The following HPCAL1 variants were observed in gnomAD, a reference collection of about 807,000 sequenced individuals.
HPCAL1 encodes hippocalcin-like protein 1.
A neutral mutation model predicts 17.1 loss-of-function variants in HPCAL1; 8 were observed. That is an observed-to-expected ratio of 0.47 (90% CI 0.27 to 0.84). HPCAL1 has a LOEUF of 0.84. HPCAL1 is among the 40% of genes least tolerant of loss of function. The pLI is 0.13. For missense variants in HPCAL1, 165 were observed against 271.1 expected, an observed-to-expected ratio of 0.61 and a Z score of 2.75; for synonymous variants, 112 against 111.4, an observed-to-expected ratio of 1.01 and a Z score of -0.03.
intron 3 of HPCAL1, among the ~76,000 whole-genome samples, chr2:10,421,457 T>TG (rs1486132095): frequency 1.3e-5 from 2 of 152,196 alleles, no homozygotes; most frequent in Admixed American, 1.3e-4. Context: ...TCCCAACACT[T>TG]TGGGTGGCCG....
chr2:10,330,491 A>G lies in HPCAL1; in HGVS notation c.-111+27314A>G, dbSNP rs1219938911. On this transcript the variant is annotated intron_variant, in intron 1 of 4. Transcript: ENST00000307845. This position sits in a 1 kb window ranked among gnomAD's most constrained non-coding sequence, Gnocchi z 4.2. ...ACAACAGGAATTCTTTTTTTTTTAC[A>G]GTATTGGAGGCTGATGTCTGAGACA... is the stretch of plus-strand genomic sequence containing the variant. 6.6e-6 allele frequency among the ~76,000 whole-genome samples: 1 copy of G among 150,630 alleles called. No homozygotes were observed. Among genetic ancestry groups the G allele is most frequent in the Non-Finnish European group, 1.5e-5 (1 of 67,720 alleles).
At chr2:10,319,813 G>A (rs183213013) in intron 1 of HPCAL1, among the ~76,000 whole-genome samples, 2 of 151,986 alleles carry the variant, frequency 1.3e-5, no homozygotes, top group East Asian at 1.9e-4. Context: ...AGTGATCCAA[G>A]CAGAAGGTCT....
chr2:10,396,220 G>A (rs1033333788), intron 1 of HPCAL1, among the ~76,000 whole-genome samples: 1 of 152,244 alleles, frequency 6.6e-6, no homozygotes, highest in Non-Finnish European at 1.5e-5. Context: ...CACCTAGTGT[G>A]TGCCCTGTGC....
chr2:10,342,844 G>A lies in HPCAL1; in HGVS notation c.-111+39667G>A, dbSNP rs1665182784. Reference sequence around the variant, plus strand: ...ATTCTCTTCTTCTGTCCATCTCATGGCTGAAGACCAAGGCTATGGCCTGTG... The same window carrying A: ...ATTCTCTTCTTCTGTCCATCTCATGACTGAAGACCAAGGCTATGGCCTGTG... On this transcript the variant is annotated intron_variant, in intron 1 of 4. Transcript: ENST00000307845. The surrounding 1 kb of genome is among the most constrained non-coding windows in gnomAD (Gnocchi z 4.1). Among the ~76,000 whole-genome samples, 1 of 152,196 alleles carries A rather than the reference G, an allele frequency of 6.6e-6. No homozygotes were observed. The highest frequency in any genetic ancestry group is 6.5e-5 in the Admixed American group (1 of 15,280).
chr2:10,331,334 C>T lies in HPCAL1; in HGVS notation c.-111+28157C>T, dbSNP rs1378228972. ...CCGAGCGCCCTCTCCTTCCTCACCT[C>T]GCCACCTACGCATCGTCACCCCTCC... On this transcript the variant is annotated intron_variant, in intron 1 of 4. Transcript: ENST00000307845. The surrounding 1 kb of genome is among the most constrained non-coding windows in gnomAD (Gnocchi z 5.0). Among the ~76,000 whole-genome samples, 3 of 152,156 alleles carry T rather than the reference C, an allele frequency of 2.0e-5. No individual in the cohort carries two copies. Among genetic ancestry groups the T allele is most frequent in the Non-Finnish European group, 4.4e-5 (3 of 68,026 alleles).
Position 10,343,605 on chromosome 2 carries a change from G to A in HPCAL1, c.-111+40428G>A, listed in dbSNP as rs907337981. ...CTTTAGGTGGGACCTCCACTATATG[G>A]GTTTGCAAGCTGCCACTGCTTTGAC... On this transcript the variant is annotated intron_variant, in intron 1 of 4. Coordinates refer to ENST00000307845, the MANE Select transcript of HPCAL1 (RefSeq NM_002149.4). This position sits in a 1 kb window ranked among gnomAD's most constrained non-coding sequence, Gnocchi z 4.8. Among the ~76,000 whole-genome samples the A allele has an allele frequency of 6.6e-6, 1 of 152,186 alleles. No homozygotes were observed. Among genetic ancestry groups the A allele is most frequent in the Non-Finnish European group, 1.5e-5 (1 of 68,030 alleles).
chr2:10,388,311 A>G (rs1166888579), intron 1 of HPCAL1, among the ~76,000 whole-genome samples: 2 of 152,204 alleles, frequency 1.3e-5, no homozygotes, highest in African/African-American at 4.8e-5. Context: ...GAGGTGCCTC[A>G]GTGCCTCAGA....
intron 1 of HPCAL1, among the ~76,000 whole-genome samples, chr2:10,306,765 C>A (rs1469644716): frequency 6.6e-5 from 10 of 152,172 alleles, no homozygotes; most frequent in Non-Finnish European, 1.2e-4. Context: ...ATTTTTAAAT[C>A]ATCTGAAAAG....
intron 1 of HPCAL1, among the ~76,000 whole-genome samples, chr2:10,360,565 C>CCA (rs1245588785): frequency 6.6e-6 from 1 of 152,174 alleles, no homozygotes; most frequent in African/African-American, 2.4e-5. Context: ...GCACCCGCCA[C>CCA]CACACCTGGC....
intron 1 of HPCAL1, among the ~76,000 whole-genome samples, chr2:10,360,039 C>T (rs549423946): frequency 2.6e-5 from 4 of 152,190 alleles, no homozygotes; most frequent in African/African-American, 4.8e-5. Flanking sequence ...GGACCCAGCA[C>T]GGGCTCCTGG....
At chr2:10,420,198 C>G in intron 3 of HPCAL1, 63 bp downstream of exon 3, 1 of 1,406,176 alleles carries the variant, frequency 7.1e-7, no homozygotes. Context: ...CTCCCAGCCC[C>G]CAGCCCAGGG....
chr2:10,327,998 T>A (rs1664122820), intron 1 of HPCAL1, among the ~76,000 whole-genome samples: 1 of 152,232 alleles, frequency 6.6e-6, no homozygotes, highest in Non-Finnish European at 1.5e-5. Context: ...TAAGTTGAGG[T>A]CATTTCTGTC....
At chr2:10,329,414 G>A (rs920494639) in intron 1 of HPCAL1, among the ~76,000 whole-genome samples, 31 of 152,216 alleles carry the variant, frequency 2.0e-4, no homozygotes, top group African/African-American at 6.0e-4. Flanking sequence ...CAGTGAGCCC[G>A]AGGGAGGTGT....
At chr2:10,346,056 G>A (rs945847254) in intron 1 of HPCAL1, among the ~76,000 whole-genome samples, 1 of 152,128 alleles carries the variant, frequency 6.6e-6, no homozygotes, top group Non-Finnish European at 1.5e-5. Context: ...GTCTGTGTAT[G>A]TGTGAGAGAG....
At chr2:10,371,701 T>C (rs116652027) in intron 1 of HPCAL1, among the ~76,000 whole-genome samples, 1,631 of 152,290 alleles carry the variant, frequency 0.011, 38 homozygotes, top group African/African-American at 0.037. Context: ...ATTCACCTCC[T>C]AGAGGAGGCC....
intron 2 of HPCAL1, among the ~76,000 whole-genome samples, chr2:10,398,381 A>G (rs1487803075): frequency 6.6e-6 from 1 of 152,192 alleles, no homozygotes; most frequent in African/African-American, 2.4e-5. Flanking sequence ...TATAATTTTC[A>G]TCTTCCCACT....
chr2:10,334,734 G>T (rs1664613994), intron 1 of HPCAL1, among the ~76,000 whole-genome samples: 1 of 133,804 alleles, frequency 7.5e-6, no homozygotes, highest in African/African-American at 3.2e-5. Flanking sequence ...TACCCAGGCT[G>T]GAGTGCAGTG....
Position 10,365,491 on chromosome 2 carries a change from G to T in HPCAL1, c.-110-31344G>T, listed in dbSNP as rs1477626395. On this transcript the variant is annotated intron_variant, in intron 1 of 4. Coordinates refer to ENST00000307845, the MANE Select transcript of HPCAL1 (RefSeq NM_002149.4). The surrounding 1 kb of genome is among the most constrained non-coding windows in gnomAD (Gnocchi z 4.8). ...GTCGAAGGCTTGCGGAGGGACAGGT[G>T]GGTCTCCCATGGATGGCTTTTCTTG... 6.6e-6 allele frequency among the ~76,000 whole-genome samples: 1 copy of T among 152,156 alleles called. No homozygotes were observed. The highest frequency in any genetic ancestry group is 1.5e-5 in the Non-Finnish European group (1 of 68,026).
chr2:10,420,115 G>A lies in HPCAL1; in HGVS notation c.358G>A (p.Glu120Lys), dbSNP rs745570055. 3 of 1,610,894 alleles carry A rather than the reference G, an allele frequency of 1.9e-6. No individual in the cohort carries two copies. The highest frequency in any genetic ancestry group is 1.7e-5 in the Admixed American group (1 of 59,936). Reference protein sequence around the residue: ...LDGNGYISRSEMLEIVQAIYK... With the variant: ...LDGNGYISRSKMLEIVQAIYK... ...CGGCAACGGCTACATCAGCCGCAGC[G>A]AGATGCTGGAGATCGTGCAGGTACC... Residue 120 changes from glutamate (E) to lysine (K), a missense_variant, in exon 3 of 5, where the codon GAG becomes AAG. Physicochemically the swap from Glu to Lys is moderately conservative, Grantham distance 56. Coordinates refer to ENST00000307845, the MANE Select transcript of HPCAL1 (RefSeq NM_002149.4).
Sources: allele counts gnomAD v4.1 joint callset (sites outside exome capture counted in the v4.1 genomes callset), GRCh38; gene constraint gnomAD v4.1.1; non-coding constraint Gnocchi (gnomAD v3.1); transcripts MANE v1.5; gene names NCBI Gene and HGNC (gene_info 2026-07-23, HGNC 2026-07-21).